SLC39A9: variants seen among roughly 807,000 people sequenced by gnomAD.
SLC39A9 encodes the protein solute carrier family 39 member 9.
A neutral mutation model predicts 28.4 loss-of-function variants in SLC39A9; 14 were observed. That is an observed-to-expected ratio of 0.49 (90% CI 0.33 to 0.77). SLC39A9 has a LOEUF of 0.77. Among genes scored for constraint, SLC39A9 ranks in the 30% least tolerant of loss-of-function variants. SLC39A9 has a pLI of 0.02. For missense variants in SLC39A9, 283 were observed against 381.1 expected (o/e 0.74, Z 2.14); for synonymous variants, 119 against 149.6 (o/e 0.80, Z 1.49).
chr14:69,437,838 A>C (rs966917578), intron 2 of SLC39A9, among the ~76,000 whole-genome samples: 7 of 151,234 alleles, frequency 4.6e-5, no homozygotes, highest in Non-Finnish European at 1.0e-4. Context: ...CACCTGCCTC[A>C]ACCTCCCAAA....
In SLC39A9 at chr14:69,442,123, C is replaced by T; in HGVS notation, c.260C>T (p.Ala87Val). The change falls in exon 3 of 7, where the codon GCA becomes GTA. Residue 87 changes from alanine (A) to valine (V), a missense_variant. Physicochemically the swap from Ala to Val is moderately conservative, Grantham distance 64. Transcript: ENST00000336643. ...AATGTGATTGCATCAGACAAAGCAGCAGAAAAATCAGTTGTCCATGAACAT... is the reference window on the plus strand; with the variant it reads ...AATGTGATTGCATCAGACAAAGCAGTAGAAAAATCAGTTGTCCATGAACAT... Reference protein sequence around the residue: ...THNVIASDKAAEKSVVHEHEH... With the variant: ...THNVIASDKAVEKSVVHEHEH... The T allele has an allele frequency of 1.2e-6, 2 of 1,614,184 alleles. No homozygotes were observed. The highest frequency in any genetic ancestry group is 1.7e-6 in the Non-Finnish European group (2 of 1,180,030).
rs563833015 is a variant in SLC39A9, at chr14:69,439,043, TC to T, written c.206-3024del. Among the ~76,000 whole-genome samples the T allele has an allele frequency of 2.0e-3, 308 of 152,290 alleles. 1 individual carries two copies. Among genetic ancestry groups the T allele is most frequent in the African/African-American group, 7.1e-3 (297 of 41,556 alleles). ...CTTATGCATAGAAATACCTAAGGAT[TC>T]CACACACAAAAAAATTAGAACTAAT... On this transcript the variant is annotated intron_variant, in intron 2 of 6. Coordinates refer to ENST00000336643, the MANE Select transcript of SLC39A9 (RefSeq NM_018375.5).
intron 1 of SLC39A9, among the ~76,000 whole-genome samples, chr14:69,406,998 G>T (rs983304205): frequency 1.3e-5 from 2 of 150,824 alleles, no homozygotes; most frequent in African/African-American, 2.4e-5. Flanking sequence ...TTACAGGTGC[G>T]TGCCACCATA....
chr14:69,401,333 C>T (rs79231404), intron 1 of SLC39A9, among the ~76,000 whole-genome samples: 1 of 152,094 alleles, frequency 6.6e-6, no homozygotes, highest in African/African-American at 2.4e-5. Context: ...ACCTGCCTGC[C>T]CAGTACTTTG....
chr14:69,419,920 C>T (rs1275005900), intron 1 of SLC39A9, among the ~76,000 whole-genome samples: 2 of 152,188 alleles, frequency 1.3e-5, no homozygotes, highest in East Asian at 3.8e-4. Flanking sequence ...CTCCTGAATA[C>T]AGCACACTGA....
chr14:69,450,572 T>A lies in SLC39A9; in HGVS notation c.404-2669T>A, dbSNP rs114274188. ...GGAAGATGGCTTGAGGTCAGGAGTT[T>A]GAGACCAGCCTGGACAACACAGCAA... On this transcript the variant is annotated intron_variant, in intron 3 of 6. Coordinates refer to ENST00000336643, the MANE Select transcript of SLC39A9 (RefSeq NM_018375.5). Among the ~76,000 whole-genome samples the A allele has an allele frequency of 4.0e-3, 615 of 152,104 alleles. 6 individuals carry two copies. The highest frequency in any genetic ancestry group is 0.014 in the African/African-American group (593 of 41,492).
chr14:69,451,184 T>TCC (rs1399288849), intron 3 of SLC39A9, among the ~76,000 whole-genome samples: 4 of 152,218 alleles, frequency 2.6e-5, no homozygotes, highest in African/African-American at 9.6e-5. Context: ...ATTAGGGTCT[T>TCC]TAGCTTCCCT....
At chr14:69,412,249 C>A (rs1238834421) in intron 1 of SLC39A9, among the ~76,000 whole-genome samples, 1 of 151,568 alleles carries the variant, frequency 6.6e-6, no homozygotes, top group Non-Finnish European at 1.5e-5. Flanking sequence ...ATTAGCCGGG[C>A]ATGGTGGCGG....
At chr14:69,446,903 A>C (rs924612145) in intron 3 of SLC39A9, among the ~76,000 whole-genome samples, 2 of 150,778 alleles carry the variant, frequency 1.3e-5, no homozygotes, top group Admixed American at 1.3e-4. Context: ...AAAGAAAAAA[A>C]AATGGGAATC....
At chr14:69,406,690 A>G (rs1218583785) in intron 1 of SLC39A9, among the ~76,000 whole-genome samples, 1 of 151,760 alleles carries the variant, frequency 6.6e-6, no homozygotes, top group African/African-American at 2.4e-5. Context: ...TGTCTTAAAA[A>G]AAAAAAAAAA....
At chr14:69,457,262 G>A (rs901777526) in intron 6 of SLC39A9, among the ~76,000 whole-genome samples, 1 of 151,920 alleles carries the variant, frequency 6.6e-6, no homozygotes, top group African/African-American at 2.4e-5. Flanking sequence ...GAGTACAATG[G>A]CGCAATCTTG....
chr14:69,444,774 G>A (rs990855352), intron 3 of SLC39A9, among the ~76,000 whole-genome samples: 1 of 152,200 alleles, frequency 6.6e-6, no homozygotes, highest in Non-Finnish European at 1.5e-5. Context: ...ACTATGGTAT[G>A]TACACATAAT....
chr14:69,451,312 A>T (rs1245981202), intron 3 of SLC39A9, among the ~76,000 whole-genome samples: 1 of 152,338 alleles, frequency 6.6e-6, no homozygotes, highest in East Asian at 1.9e-4. Context: ...TCCTAAGAAG[A>T]TTAAATCCCC....
At chr14:69,410,629 A>G (rs1883211925) in intron 1 of SLC39A9, among the ~76,000 whole-genome samples, 1 of 152,222 alleles carries the variant, frequency 6.6e-6, no homozygotes, top group African/African-American at 2.4e-5. Context: ...ATCTGTTACT[A>G]ACACTTAGCA....
At chr14:69,450,081 G>A (rs1687035946) in intron 3 of SLC39A9, among the ~76,000 whole-genome samples, 1 of 152,048 alleles carries the variant, frequency 6.6e-6, no homozygotes, top group South Asian at 2.1e-4. Flanking sequence ...TCAGCTACTT[G>A]GTAGGCTGAG....
intron 2 of SLC39A9, among the ~76,000 whole-genome samples, chr14:69,434,000 G>T (rs1884618985): frequency 6.6e-6 from 1 of 151,898 alleles, no homozygotes; most frequent in South Asian, 2.1e-4. Flanking sequence ...GGCCAGGCTG[G>T]TCTCAAGCTC....
At chr14:69,424,287 A>G in intron 2 of SLC39A9, 85 bp downstream of exon 2, 1 of 984,070 alleles carries the variant, frequency 1.0e-6, no homozygotes, top group Non-Finnish European at 1.6e-6. Flanking sequence ...TTTTCTGAGC[A>G]CAGTTCATGT....
chr14:69,411,781 ATTTT>A (rs541819902), intron 1 of SLC39A9, among the ~76,000 whole-genome samples: 1 of 138,424 alleles, frequency 7.2e-6, no homozygotes, highest in Non-Finnish European at 1.6e-5. Context: ...CAGGTAAAGA[ATTTT>A]TTTTTTTTTT....
At chr14:69,407,083 C>A (rs1165138074) in intron 1 of SLC39A9, among the ~76,000 whole-genome samples, 1 of 151,890 alleles carries the variant, frequency 6.6e-6, no homozygotes, top group Non-Finnish European at 1.5e-5. Flanking sequence ...ATCTCCTGGC[C>A]TTGAGATCTG....
Sources: allele counts gnomAD v4.1 joint callset (sites outside exome capture counted in the v4.1 genomes callset), GRCh38; gene constraint gnomAD v4.1.1; transcripts MANE v1.5; gene names NCBI Gene and HGNC (gene_info 2026-07-23, HGNC 2026-07-21).